Variants in PARD3B observed in about 807,000 individuals in gnomAD.
PARD3B encodes partitioning defective 3 homolog B.
In PARD3B, 103 loss-of-function variants were observed where a neutral mutation model predicts 130.2. The ratio of observed to expected loss-of-function variants is 0.79; its 90% CI spans 0.67 to 0.93. The LOEUF (loss-of-function observed/expected upper bound fraction) is 0.93. PARD3B is among the 40% of genes least tolerant of loss of function. The probability of loss-of-function intolerance (pLI) is 0.00; values close to 1 mark genes in which losing one functional copy is unlikely to be tolerated. For missense variants in PARD3B, 1,609 were observed against 1,499.2 expected (o/e 1.07, Z -1.21); for synonymous variants, 583 against 553.2 (o/e 1.05, Z -0.76).
At chr2:204,914,772 G>A (rs766443525) in intron 2 of PARD3B, among the ~76,000 whole-genome samples, 6 of 152,196 alleles carry the variant, frequency 3.9e-5, no homozygotes, top group African/African-American at 7.2e-5. Context: ...AGACAGTGGG[G>A]CAGGGAATGA....
At chr2:204,988,622 T>C (rs1693383679) in intron 3 of PARD3B, among the ~76,000 whole-genome samples, 1 of 152,200 alleles carries the variant, frequency 6.6e-6, no homozygotes, top group African/African-American at 2.4e-5. Flanking sequence ...ACCTATTGTG[T>C]ACCCACAATA....
intron 18 of PARD3B, among the ~76,000 whole-genome samples, chr2:205,331,239 C>T (rs10173903): frequency 2.7e-5 from 4 of 149,998 alleles, no homozygotes; most frequent in African/African-American, 9.8e-5. Context: ...GATTTACGTG[C>T]ATATAAGCAC....
At chr2:205,092,001 AC>A (rs762312190) in intron 4 of PARD3B, among the ~76,000 whole-genome samples, 5 of 152,080 alleles carry the variant, frequency 3.3e-5, no homozygotes, top group African/African-American at 4.8e-5. Context: ...AATGAGCGTT[AC>A]CCAAAAACCT....
In PARD3B at chr2:204,623,959, C is replaced by T. The variant is rs2034393806; in HGVS notation, c.121-62222C>T. 6.6e-6 allele frequency among the ~76,000 whole-genome samples: 1 copy of T among 152,130 alleles called. No individual in the cohort carries two copies. The highest frequency in any genetic ancestry group is 1.5e-5 in the Non-Finnish European group (1 of 68,006). On this transcript the variant is annotated intron_variant, in intron 1 of 22. Coordinates refer to ENST00000406610, the MANE Select transcript of PARD3B (RefSeq NM_001302769.2). The surrounding 1 kb of genome is among the most constrained non-coding windows in gnomAD (Gnocchi z 4.5). Reference sequence around the variant, plus strand: ...CATACCATAATGTCTACAGTTCTGTCCATGTCATTGGCAGGACTTTCTTTT... The same window carrying T: ...CATACCATAATGTCTACAGTTCTGTTCATGTCATTGGCAGGACTTTCTTTT...
chr2:204,594,212 G>T (rs1265152536), intron 1 of PARD3B, among the ~76,000 whole-genome samples: 1 of 152,152 alleles, frequency 6.6e-6, no homozygotes, highest in Non-Finnish European at 1.5e-5. Context: ...TCCTGAAAGG[G>T]CATTGTGTTG....
chr2:204,920,381 A>AC (rs2047626540), intron 2 of PARD3B, among the ~76,000 whole-genome samples: 1 of 152,180 alleles, frequency 6.6e-6, no homozygotes, highest in Non-Finnish European at 1.5e-5. Flanking sequence ...GAAGCAAACC[A>AC]CCAAGGGCAT....
At chr2:204,925,301 T>A (rs897659467) in intron 2 of PARD3B, among the ~76,000 whole-genome samples, 2 of 152,136 alleles carry the variant, frequency 1.3e-5, no homozygotes, top group African/African-American at 4.8e-5. Context: ...ATGGTGGCTA[T>A]GAAGAGAAAT....
chr2:204,875,158 C>G (rs1389303938), intron 2 of PARD3B, among the ~76,000 whole-genome samples: 2 of 152,124 alleles, frequency 1.3e-5, no homozygotes, highest in Non-Finnish European at 2.9e-5. Flanking sequence ...TCAGTGGTTT[C>G]TGGTATATTT....
At chr2:204,999,885 G>T (rs1437726229) in intron 3 of PARD3B, among the ~76,000 whole-genome samples, 1 of 152,106 alleles carries the variant, frequency 6.6e-6, no homozygotes, top group African/African-American at 2.4e-5. Context: ...AACTTTAAAG[G>T]TTTATCTCAG....
Position 204,811,815 on chromosome 2 carries a change from A to G in PARD3B, c.222+125533A>G, listed in dbSNP as rs183463385. 2.9e-3 allele frequency among the ~76,000 whole-genome samples: 444 copies of G among 152,276 alleles called. 2 individuals carry two copies. The highest frequency in any genetic ancestry group is 8.2e-3 in the African/African-American group (339 of 41,534). ...CTCAGTCTGCTATCATCTACATTAA[A>G]AAACAAAAAACAAAAAACTAATGTT... is the stretch of plus-strand genomic sequence containing the variant. On this transcript the variant is annotated intron_variant, in intron 2 of 22. Transcript: ENST00000406610.
chr2:204,817,318 A>G (rs2043182197), intron 2 of PARD3B, among the ~76,000 whole-genome samples: 2 of 151,534 alleles, frequency 1.3e-5, no homozygotes, highest in African/African-American at 2.4e-5. Flanking sequence ...TTTTATTCCT[A>G]TAAAGGTCCT....
At position 205,105,735 on chromosome 2, in the gene PARD3B, C is replaced by T. The variant is rs1334841787; in HGVS notation, c.593+1221C>T. On this transcript the variant is annotated intron_variant, in intron 5 of 22. Transcript: ENST00000406610. The surrounding 1 kb of genome is among the most constrained non-coding windows in gnomAD (Gnocchi z 4.0). ...AGAGGATCACTTGAGTGCAGGAGTT[C>T]GAGTCCATCTTGCAACATAGGGAGA... 6.6e-6 allele frequency among the ~76,000 whole-genome samples: 1 copy of T among 150,656 alleles called. No homozygotes were observed. The highest frequency in any genetic ancestry group is 2.4e-5 in the African/African-American group (1 of 40,848).
At chr2:205,063,938 A>C (rs1216541394) in intron 4 of PARD3B, among the ~76,000 whole-genome samples, 1 of 151,916 alleles carries the variant, frequency 6.6e-6, no homozygotes, top group Admixed American at 6.6e-5. Flanking sequence ...ATAAAAAAAA[A>C]CGCATATCCA....
intron 16 of PARD3B, among the ~76,000 whole-genome samples, chr2:205,260,565 T>C (rs2040264433): frequency 6.6e-6 from 1 of 152,258 alleles, no homozygotes; most frequent in Admixed American, 6.5e-5. Flanking sequence ...GCATGTGCTT[T>C]TCTTCAGAGA....
chr2:204,843,889 G>A (rs2044354361), intron 2 of PARD3B, among the ~76,000 whole-genome samples: 1 of 151,968 alleles, frequency 6.6e-6, no homozygotes, highest in Admixed American at 6.6e-5. Context: ...TTTTACAAAG[G>A]AAAAGTTCAA....
At chr2:204,684,070 T>C (rs2036964608) in intron 1 of PARD3B, among the ~76,000 whole-genome samples, 1 of 152,174 alleles carries the variant, frequency 6.6e-6, no homozygotes, top group Non-Finnish European at 1.5e-5. Flanking sequence ...TTTGGCTATT[T>C]TTTGAGTTAC....
At position 204,843,080 on chromosome 2, in the gene PARD3B, C is replaced by T. The variant is rs1461360981; in HGVS notation, c.223-122072C>T. On this transcript the variant is annotated intron_variant, in intron 2 of 22. Coordinates refer to ENST00000406610, the MANE Select transcript of PARD3B (RefSeq NM_001302769.2). ...GATTCAGTAGGTCTGAGCTGAGCCCCGAGGATCTGTATTTCTGACAGGTTC... is the reference window on the plus strand; with the variant it reads ...GATTCAGTAGGTCTGAGCTGAGCCCTGAGGATCTGTATTTCTGACAGGTTC... 4.6e-5 allele frequency among the ~76,000 whole-genome samples: 7 copies of T among 151,968 alleles called. No homozygotes were observed. The East Asian group carries it at 7.7e-4, about 17-fold the overall frequency.
intron 2 of PARD3B, among the ~76,000 whole-genome samples, chr2:204,911,960 G>A (rs1261407444): frequency 2.0e-5 from 3 of 151,536 alleles, no homozygotes; most frequent in South Asian, 2.1e-4. Context: ...CTTAAATAAT[G>A]TTTCAATTAT....
chr2:204,641,177 C>T (rs114231043), intron 1 of PARD3B, among the ~76,000 whole-genome samples: 3,131 of 148,294 alleles, frequency 0.021, 120 homozygotes, highest in African/African-American at 0.072. Context: ...AACCAGTACC[C>T]GAAAGGTCTG....
Sources: allele counts gnomAD v4.1 joint callset (sites outside exome capture counted in the v4.1 genomes callset), GRCh38; gene constraint gnomAD v4.1.1; non-coding constraint Gnocchi (gnomAD v3.1); transcripts MANE v1.5; gene names NCBI Gene and HGNC (gene_info 2026-07-23, HGNC 2026-07-21).